Variants in TAFA5 observed in about 807,000 individuals in gnomAD.
TAFA5 encodes the protein chemokine-like protein TAFA-5.
TAFA5 carries 6 observed loss-of-function variants against 15.3 expected under a neutral mutation model. The ratio of observed to expected loss-of-function variants is 0.39; its 90% confidence interval spans 0.21 to 0.77. TAFA5 has a LOEUF of 0.77. Among genes scored for constraint, TAFA5 ranks in the 30% least tolerant of loss-of-function variants. TAFA5 has a pLI of 0.41. For missense variants in TAFA5, 161 were observed against 193.1 expected (o/e 0.83, Z 0.98); for synonymous variants, 103 against 80.7 (o/e 1.28, Z -1.48).
At chr22:48,579,982 G>A (rs756375355) in intron 1 of TAFA5, among the ~76,000 whole-genome samples, 1 of 152,220 alleles carries the variant, frequency 6.6e-6, no homozygotes, top group African/African-American at 2.4e-5. Flanking sequence ...GGTGGCAGGG[G>A]AGTGCATTCG....
intron 1 of TAFA5, among the ~76,000 whole-genome samples, chr22:48,510,073 G>A (rs1243593556): frequency 3.9e-5 from 6 of 152,064 alleles, no homozygotes; most frequent in South Asian, 2.1e-4. Context: ...TGGAATACCC[G>A]AAACTATGAA....
intron 1 of TAFA5, among the ~76,000 whole-genome samples, chr22:48,582,998 A>C: frequency 7.0e-6 from 1 of 142,110 alleles, no homozygotes; most frequent in Non-Finnish European, 1.5e-5. Flanking sequence ...CACAAAATAA[A>C]CCACACACAA....
intron 3 of TAFA5, among the ~76,000 whole-genome samples, chr22:48,715,701 G>A (rs1929382869): frequency 6.6e-6 from 1 of 152,178 alleles, no homozygotes; most frequent in Admixed American, 6.5e-5. Context: ...CTGGGTGAGT[G>A]GTGGGGCCTG....
chr22:48,670,801 A>G (rs778606002), intron 2 of TAFA5, among the ~76,000 whole-genome samples: 4 of 152,216 alleles, frequency 2.6e-5, no homozygotes, highest in African/African-American at 4.8e-5. Context: ...TACATGATGG[A>G]GACCATCAGG....
At chr22:48,749,758 G>A (rs1930427746) in intron 3 of TAFA5, 81 bp from the exon 4 acceptor site, 1 of 1,494,892 alleles carries the variant, frequency 6.7e-7, no homozygotes. Flanking sequence ...AGGAGCCGGG[G>A]AGGGAAGAGG....
At chr22:48,627,424 C>T (rs559822679) in intron 1 of TAFA5, among the ~76,000 whole-genome samples, 56 of 152,356 alleles carry the variant, frequency 3.7e-4, no homozygotes, top group African/African-American at 1.3e-3. Flanking sequence ...CAGAGGGCGC[C>T]GCGTGCAGGC....
chr22:48,680,795 G>A (rs1347813828), intron 2 of TAFA5, among the ~76,000 whole-genome samples: 2 of 152,270 alleles, frequency 1.3e-5, no homozygotes, highest in Non-Finnish European at 2.9e-5. Flanking sequence ...GCACAGTGCT[G>A]CAGACACCTG....
At chr22:48,708,454 G>A (rs993863922) in intron 3 of TAFA5, among the ~76,000 whole-genome samples, 1 of 152,346 alleles carries the variant, frequency 6.6e-6, no homozygotes, top group East Asian at 1.9e-4. Context: ...AAGGGCGGGA[G>A]CTTGGGGAAC....
chr22:48,539,322 AGGC>A, intron 1 of TAFA5: 1 of 467,342 alleles, frequency 2.1e-6, no homozygotes, highest in Middle Eastern at 3.3e-4. Context: ...AGATAATCGG[AGGC>A]AAAGCCGATA....
intron 2 of TAFA5, among the ~76,000 whole-genome samples, chr22:48,702,248 G>A (rs1030884856): frequency 6.6e-6 from 1 of 152,138 alleles, no homozygotes; most frequent in African/African-American, 2.4e-5. Context: ...AGCATGGTGT[G>A]GGATGGAAGA....
intron 2 of TAFA5, among the ~76,000 whole-genome samples, chr22:48,696,342 C>T (rs1241488603): frequency 2.0e-5 from 3 of 152,222 alleles, no homozygotes; most frequent in Non-Finnish European, 1.5e-5. Context: ...TCCACTCTTC[C>T]CTCTTTTCTC....
intron 1 of TAFA5, among the ~76,000 whole-genome samples, chr22:48,551,765 C>A (rs1215743942): frequency 1.3e-5 from 2 of 152,156 alleles, no homozygotes; most frequent in Admixed American, 1.3e-4. Flanking sequence ...GTGCTGCCTT[C>A]TCTCGCCTCC....
At chr22:48,597,878 G>A (rs1430352330) in intron 1 of TAFA5, among the ~76,000 whole-genome samples, 1 of 152,254 alleles carries the variant, frequency 6.6e-6, no homozygotes, top group Non-Finnish European at 1.5e-5. Flanking sequence ...AGAAGGGACA[G>A]TCGGGTTGGA....
chr22:48,746,417 C>T (rs949269476), intron 3 of TAFA5, among the ~76,000 whole-genome samples: 4 of 152,054 alleles, frequency 2.6e-5, no homozygotes, highest in African/African-American at 9.7e-5. Context: ...TGGCTTGAGC[C>T]CAGGAGTTCA....
chr22:48,514,648 G>A (rs1485344159), intron 1 of TAFA5, among the ~76,000 whole-genome samples: 1 of 152,194 alleles, frequency 6.6e-6, no homozygotes, highest in African/African-American at 2.4e-5. Flanking sequence ...CCCCACTCAT[G>A]CCAGCCAGGT....
chr22:48,678,779 G>T (rs1928060244), intron 2 of TAFA5, among the ~76,000 whole-genome samples: 1 of 152,128 alleles, frequency 6.6e-6, no homozygotes, highest in Admixed American at 6.5e-5. Context: ...AAAAATGCTG[G>T]TGTGTACATT....
At position 48,742,852 on chromosome 22, in the gene TAFA5, A is replaced by G. The variant is rs936342418; in HGVS notation, c.391-6987A>G. On this transcript the variant is annotated intron_variant, in intron 3 of 3. Transcript: ENST00000402357. The surrounding 1 kb of genome is among the most constrained non-coding windows in gnomAD (Gnocchi z 6.2). ...GGGAGCTCAGGTGCGATGAAGCCCA[A>G]GGGACTGACGGTGTGAGGAGGGCCC... 3.3e-5 allele frequency among the ~76,000 whole-genome samples: 5 copies of G among 152,182 alleles called. No homozygotes were observed. The highest frequency in any genetic ancestry group is 1.2e-4 in the African/African-American group (5 of 41,456).
chr22:48,693,203 G>C, intron 2 of TAFA5: 2 of 1,247,376 alleles, frequency 1.6e-6, no homozygotes, highest in Admixed American at 2.2e-5. Flanking sequence ...CTCAGTGACG[G>C]GGCCTCACTC....
intron 3 of TAFA5, among the ~76,000 whole-genome samples, chr22:48,719,132 C>T (rs747223644): frequency 1.3e-5 from 2 of 152,228 alleles, no homozygotes; most frequent in Non-Finnish European, 2.9e-5. Context: ...GGGAGGTGTG[C>T]AGACATTCCT....
Sources: gnomAD v4.1 joint callset for allele counts (sites outside exome capture counted in the v4.1 genomes callset) on GRCh38, gnomAD v4.1.1 for gene constraint, Gnocchi (gnomAD v3.1) non-coding constraint, MANE v1.5 for transcripts, NCBI Gene and HGNC (gene_info 2026-07-23, HGNC 2026-07-21) for gene names.